DLG2: variants seen among roughly 807,000 people sequenced by gnomAD.
DLG2 encodes discs large MAGUK scaffold protein 2.
DLG2 carries 45 observed loss-of-function variants against 132.5 expected under a neutral mutation model. The observed-to-expected ratio is 0.34, with a 90% CI of 0.27 to 0.44. The LOEUF (loss-of-function observed/expected upper bound fraction) is 0.44. Among genes scored for constraint, DLG2 ranks in the 20% least tolerant of loss-of-function variants. The pLI, the probability that DLG2 is intolerant of heterozygous loss-of-function variation, is 1.00. For missense variants in DLG2, 1,045 were observed against 1,196.9 expected (o/e 0.87, Z 1.87); for synonymous variants, 424 against 419.6 (o/e 1.01, Z -0.13).
chr11:84,424,693 T>A (rs1023763036), intron 7 of DLG2, among the ~76,000 whole-genome samples: 6 of 152,112 alleles, frequency 3.9e-5, no homozygotes, highest in Admixed American at 1.3e-4. Flanking sequence ...AATAGAAGTA[T>A]TAAAAATAAG....
chr11:84,732,621 T>G (rs2063291255), intron 6 of DLG2, among the ~76,000 whole-genome samples: 1 of 151,668 alleles, frequency 6.6e-6, no homozygotes, highest in Non-Finnish European at 1.5e-5. Context: ...CTTCTTAAGT[T>G]TTGAGAGTTT....
chr11:85,042,014 C>T (rs975534247), intron 6 of DLG2, among the ~76,000 whole-genome samples: 3 of 151,742 alleles, frequency 2.0e-5, no homozygotes, highest in Admixed American at 6.6e-5. Flanking sequence ...ATACTAAAAG[C>T]CCACACTTCA....
intron 7 of DLG2, among the ~76,000 whole-genome samples, chr11:84,399,150 A>G (rs1211746620): frequency 1.3e-5 from 2 of 152,186 alleles, no homozygotes; most frequent in East Asian, 3.9e-4. Flanking sequence ...AAGACAGATC[A>G]TCATACAAAA....
intron 7 of DLG2, chr11:84,316,789 A>G (rs780218549): frequency 6.4e-7 from 1 of 1,554,500 alleles, no homozygotes; most frequent in South Asian, 1.2e-5. Context: ...CACTTTCTTC[A>G]GACACTCAAG....
At chr11:84,045,545 TTC>T (rs1452234684) in intron 11 of DLG2, among the ~76,000 whole-genome samples, 20 of 151,822 alleles carry the variant, frequency 1.3e-4, no homozygotes, top group Admixed American at 5.3e-4. Context: ...AACAAAAAGA[TTC>T]TTAAAAACAA....
At chr11:85,575,346 G>A (rs564607123) in intron 3 of DLG2, among the ~76,000 whole-genome samples, 1 of 151,680 alleles carries the variant, frequency 6.6e-6, no homozygotes, top group South Asian at 2.1e-4. Flanking sequence ...CACTAGCCTG[G>A]GCAACATAGG....
intron 6 of DLG2, among the ~76,000 whole-genome samples, chr11:84,742,782 A>G (rs2064852578): frequency 6.6e-6 from 1 of 152,080 alleles, no homozygotes; most frequent in Admixed American, 6.5e-5. Context: ...CTGCCCAAAA[A>G]ATCCTCTTTA....
At chr11:84,615,947 A>T (rs1352876141) in intron 6 of DLG2, among the ~76,000 whole-genome samples, 1 of 151,922 alleles carries the variant, frequency 6.6e-6, no homozygotes, top group African/African-American at 2.4e-5. Flanking sequence ...GGTAAAGAAA[A>T]ATATATATAG....
At chr11:84,794,243 T>C (rs952254698) in intron 6 of DLG2, among the ~76,000 whole-genome samples, 16 of 152,216 alleles carry the variant, frequency 1.1e-4, no homozygotes, top group African/African-American at 3.9e-4. Flanking sequence ...AATAACTTCA[T>C]TGCACATTTT....
chr11:85,229,182 C>T (rs967194908), intron 4 of DLG2, among the ~76,000 whole-genome samples: 1 of 77,620 alleles, frequency 1.3e-5, no homozygotes, highest in Non-Finnish European at 3.2e-5. Context: ...AGATCAACAA[C>T]ACAGTATTTT....
chr11:85,111,765 C>T, intron 5 of DLG2, 30 bp from the exon 6 acceptor site: 1 of 1,505,548 alleles, frequency 6.6e-7, no homozygotes, highest in Non-Finnish European at 9.0e-7. Context: ...ATATTATATT[C>T]TATTTATTAT....
chr11:84,384,934 C>T (rs1400200705), intron 7 of DLG2, among the ~76,000 whole-genome samples: 2 of 152,090 alleles, frequency 1.3e-5, no homozygotes, highest in African/African-American at 4.8e-5. Context: ...ATTCTTCCAT[C>T]TGTTTCCATG....
chr11:83,936,759 G>T (rs1166762306), intron 14 of DLG2, among the ~76,000 whole-genome samples: 3 of 152,174 alleles, frequency 2.0e-5, no homozygotes, highest in African/African-American at 7.2e-5. Flanking sequence ...TTGTAAATGG[G>T]TTATGGAGTG....
At chr11:84,663,024 G>A (rs960417307) in intron 6 of DLG2, among the ~76,000 whole-genome samples, 3 of 151,896 alleles carry the variant, frequency 2.0e-5, no homozygotes, top group African/African-American at 7.3e-5. Flanking sequence ...TAGCCAACAA[G>A]ACCACTTTAA....
intron 12 of DLG2, among the ~76,000 whole-genome samples, chr11:83,976,130 T>G (rs1403071529): frequency 6.6e-6 from 1 of 151,892 alleles, no homozygotes; most frequent in East Asian, 1.9e-4. Context: ...GCTATTTTAC[T>G]TGAGAAACTA....
intron 6 of DLG2, among the ~76,000 whole-genome samples, chr11:84,867,471 C>T (rs994101839): frequency 6.6e-6 from 1 of 152,176 alleles, no homozygotes; most frequent in Non-Finnish European, 1.5e-5. Context: ...CCCAAATACT[C>T]ACCATGCTTC....
At chr11:83,940,333 A>C (rs1402625022) in intron 14 of DLG2, among the ~76,000 whole-genome samples, 2 of 152,140 alleles carry the variant, frequency 1.3e-5, no homozygotes, top group East Asian at 3.9e-4. Context: ...CATGATTGCC[A>C]CTTGGTTTTG....
intron 6 of DLG2, among the ~76,000 whole-genome samples, chr11:84,564,325 T>C (rs888913741): frequency 2.0e-5 from 3 of 152,166 alleles, no homozygotes; most frequent in African/African-American, 7.2e-5. Context: ...CTGTCAGCAC[T>C]GAACTGTGGA....
chr11:84,821,108 T>G (rs761221655), intron 6 of DLG2, among the ~76,000 whole-genome samples: 5 of 151,940 alleles, frequency 3.3e-5, no homozygotes, highest in South Asian at 2.1e-4. Flanking sequence ...TAAATTAGTA[T>G]GTTTTAAATT....
Sources: gnomAD v4.1 joint callset for allele counts (sites outside exome capture counted in the v4.1 genomes callset) on GRCh38, gnomAD v4.1.1 for gene constraint, MANE v1.5 for transcripts, NCBI Gene and HGNC (gene_info 2026-07-23, HGNC 2026-07-21) for gene names.